The following NQO2 variants were observed in gnomAD, a reference collection of about 807,000 sequenced individuals.
NQO2 encodes N-ribosyldihydronicotinamide:quinone dehydrogenase 2.
A neutral mutation model predicts 22.0 loss-of-function variants in NQO2; 18 were observed. The observed-to-expected ratio is 0.82, with a 90% CI of 0.56 to 1.21. NQO2 has a LOEUF of 1.21. Among genes scored for constraint, NQO2 ranks in the 50% most tolerant of loss-of-function variants. The probability of loss-of-function intolerance (pLI) is 0.00; values close to 1 mark genes in which losing one functional copy is unlikely to be tolerated. For missense variants in NQO2, 267 were observed against 286.9 expected (o/e 0.93, Z 0.50); for synonymous variants, 106 against 110.8 (o/e 0.96, Z 0.28).
At chr6:3,009,233 G>A (rs1392092866) in intron 2 of NQO2, among the ~76,000 whole-genome samples, 3 of 152,216 alleles carry the variant, frequency 2.0e-5, no homozygotes, top group African/African-American at 7.2e-5. Flanking sequence ...GTTCCTTGCT[G>A]AGAAAAAGAA....
chr6:3,010,303 T>C (rs939167329), intron 3 of NQO2, 114 bp downstream of exon 3: 2 of 881,316 alleles, frequency 2.3e-6, no homozygotes, highest in Non-Finnish European at 3.3e-6. Flanking sequence ...AGCTTCACTT[T>C]CCAAAAACAA....
Position 3,004,695 on chromosome 6 carries a change from T to C in NQO2, c.-85-1773T>C, listed in dbSNP as rs146873140. 1.8e-4 allele frequency: 180 copies of C among 974,756 alleles called. 1 individual carries two copies. The African/African-American group carries it at 3.0e-3, about 16-fold the overall frequency. 60.4% of individuals were successfully genotyped at this position (974,756 alleles called of 1,614,324 possible). On this transcript the variant is annotated intron_variant, in intron 1 of 6. Transcript: ENST00000380455. ...TTTGTGTGTCTCTGTGCTTTTTGTTTTGCTGTAAAGACACACTGATAGGTT... is the reference window on the plus strand; with the variant it reads ...TTTGTGTGTCTCTGTGCTTTTTGTTCTGCTGTAAAGACACACTGATAGGTT...
At chr6:3,007,306 C>T (rs929660177) in intron 2 of NQO2, among the ~76,000 whole-genome samples, 1 of 152,192 alleles carries the variant, frequency 6.6e-6, no homozygotes, top group African/African-American at 2.4e-5. Flanking sequence ...CACAACACTG[C>T]CCCAGTTGAG....
rs549748392 is a variant in NQO2 at position 3,016,967 on chromosome 6, C to T, written c.501C>T (p.Tyr167=). 6.2e-7 allele frequency: 1 copy of T among 1,613,984 alleles called. No individual in the cohort carries two copies. Among genetic ancestry groups the T allele is most frequent in the South Asian group, 1.1e-5 (1 of 91,070 alleles). The change falls in exon 6 of 7, where the codon TAC becomes TAT. Residue 167 remains tyrosine (Y), a synonymous_variant. Transcript: ENST00000380455. ...TKTGVNGDSR[Y]FLWPLQHGTL... is the part of the protein sequence containing the mutation. ...CAGGAGTCAATGGAGATTCTCGATA[C>T]TTCCTGTGGCCACTCCAGGTAGACC...
chr6:3,006,323 T>G lies in NQO2; in HGVS notation c.-85-145T>G. 7.4e-7 allele frequency: 1 copy of G among 1,359,466 alleles called. No homozygotes were observed. Among genetic ancestry groups the G allele is most frequent in the Non-Finnish European group, 9.5e-7 (1 of 1,052,990 alleles). The allele number at this position is 1,359,466 out of a possible 1,614,324, so 84.2% of individuals were successfully genotyped here. On this transcript the variant is annotated intron_variant, in intron 1 of 6. Coordinates refer to ENST00000380455, the MANE Select transcript of NQO2 (RefSeq NM_000904.6). The surrounding 1 kb of genome is among the most constrained non-coding windows in gnomAD (Gnocchi z 4.0). ...TGGCTTGTCCTCTGAGGCCTAAATC[T>G]CCAGAAGATTCCTGGCCTCTCTTGA...
intron 1 of NQO2, chr6:3,003,716 C>T (rs1187001607): frequency 7.6e-6 from 5 of 662,240 alleles, no homozygotes; most frequent in Non-Finnish European, 9.3e-6. Context: ...ATAGGAACCT[C>T]CCTGCGCTTT....
intron 2 of NQO2, among the ~76,000 whole-genome samples, chr6:3,008,205 G>A (rs1757011832): frequency 6.6e-6 from 1 of 152,090 alleles, no homozygotes; most frequent in Admixed American, 6.5e-5. Context: ...ATCACCTGAG[G>A]TCGGGAGTTC....
chr6:3,017,652 C>T lies in NQO2; in HGVS notation c.519+667C>T, dbSNP rs564687923. Among the ~76,000 whole-genome samples the T allele has an allele frequency of 1.1e-3, 161 of 152,292 alleles. 2 individuals carry two copies. The highest frequency in any genetic ancestry group is 3.5e-3 in the African/African-American group (145 of 41,568). ...AAGGTGGTGGGCAGAGCAGTTCCAA[C>T]GTGCTGGGGTGTCCCACGAAGGAAC... On this transcript the variant is annotated intron_variant, in intron 6 of 6. Coordinates refer to ENST00000380455, the MANE Select transcript of NQO2 (RefSeq NM_000904.6).
Position 3,019,637 on chromosome 6 carries a change from C to T in NQO2, c.678C>T (p.His226=). The T allele has an allele frequency of 6.2e-7, 1 of 1,610,292 alleles. No homozygotes were observed. The highest frequency in any genetic ancestry group is 1.3e-5 in the African/African-American group (1 of 74,972). The stretch of plus-strand genomic sequence containing the variant: ...AAGAGCCCATCCCCTGCACAGCCCA[C>T]TGGCACTTCGGGCAATAACTCTGTG... ...WKEEPIPCTA[H]WHFGQ The change falls in exon 7 of 7, where the codon CAC becomes CAT. Residue 226 remains histidine (H), a synonymous_variant. Coordinates refer to ENST00000380455, the MANE Select transcript of NQO2 (RefSeq NM_000904.6).
At chr6:3,008,957 G>A (rs55880849) in intron 2 of NQO2, among the ~76,000 whole-genome samples, 5,676 of 152,242 alleles carry the variant, frequency 0.037, 121 homozygotes, top group African/African-American at 0.055. Context: ...ACAGGACCAC[G>A]GGACGGGGCG....
chr6:3,014,513 C>T (rs965383702), intron 4 of NQO2, among the ~76,000 whole-genome samples: 1 of 152,170 alleles, frequency 6.6e-6, no homozygotes, highest in Non-Finnish European at 1.5e-5. Context: ...CCGCTTTCCT[C>T]CTCGCACCCA....
chr6:3,016,430 CAAAAAA>C (rs36118697), intron 5 of NQO2, among the ~76,000 whole-genome samples: 3 of 85,700 alleles, frequency 3.5e-5, no homozygotes, highest in Admixed American at 1.2e-4. Flanking sequence ...GACTCTGTCT[CAAAAAA>C]AAAAAAAAAA....
intron 2 of NQO2, among the ~76,000 whole-genome samples, chr6:3,009,330 T>C (rs1757067736): frequency 6.6e-6 from 1 of 152,258 alleles, no homozygotes; most frequent in Non-Finnish European, 1.5e-5. Context: ...AGTTTAAGGT[T>C]ATCTCTCTTG....
intron 6 of NQO2, among the ~76,000 whole-genome samples, chr6:3,018,466 C>T (rs1300375542): frequency 6.6e-6 from 1 of 152,202 alleles, no homozygotes; most frequent in Non-Finnish European, 1.5e-5. Context: ...GATTGCACCA[C>T]TGCACTCCAG....
chr6:3,015,413 C>T, intron 4 of NQO2, 117 bp from the exon 5 acceptor site: 1 of 1,479,884 alleles, frequency 6.8e-7, no homozygotes, highest in African/African-American at 1.4e-5. Flanking sequence ...CCCTCACCTG[C>T]CCAGCTGCCA....
chr6:3,010,065 GTCT>G lies in NQO2; in HGVS notation c.50_52del (p.Ser17del), dbSNP rs758993093. 8.1e-6 allele frequency: 13 copies of G among 1,614,086 alleles called. No individual in the cohort carries two copies. In the East Asian group the frequency reaches 2.9e-4, roughly 36 times the overall value. Reference sequence around the variant, plus strand: ...TTGTCTATGCACACCAGGAACCCAAGTCTTTCAACGGATCCTTGAAGAATGTGG... The same window carrying G: ...TTGTCTATGCACACCAGGAACCCAAGTTCAACGGATCCTTGAAGAATGTGG... On this transcript the variant is annotated inframe_deletion, in exon 3 of 7. Transcript: ENST00000380455.
chr6:3,008,855 G>A (rs1207777197), intron 2 of NQO2, among the ~76,000 whole-genome samples: 1 of 152,186 alleles, frequency 6.6e-6, no homozygotes, highest in African/African-American at 2.4e-5. Context: ...TTCCAAAGGG[G>A]AGGGAGTGTA....
At chr6:3,007,576 TTTAA>T (rs750227097) in intron 2 of NQO2, among the ~76,000 whole-genome samples, 2 of 152,200 alleles carry the variant, frequency 1.3e-5, no homozygotes, top group Non-Finnish European at 2.9e-5. Context: ...CCAGGGTAAA[TTTAA>T]TTAAGCAAAT....
At chr6:3,017,950 A>G (rs572508352) in intron 6 of NQO2, among the ~76,000 whole-genome samples, 235 of 152,254 alleles carry the variant, frequency 1.5e-3, no homozygotes, top group African/African-American at 5.5e-3. Flanking sequence ...TGCTCTTCAT[A>G]TATCAGAGAA....
Sources: gnomAD v4.1 joint callset for allele counts (sites outside exome capture counted in the v4.1 genomes callset) on GRCh38, gnomAD v4.1.1 for gene constraint, Gnocchi (gnomAD v3.1) non-coding constraint, MANE v1.5 for transcripts, NCBI Gene and HGNC (gene_info 2026-07-23, HGNC 2026-07-21) for gene names.